The following LHFPL6 variants were observed in gnomAD, a reference collection of about 807,000 sequenced individuals.
LHFPL6 encodes the protein LHFPL tetraspan subfamily member 6 protein.
In LHFPL6, 9 loss-of-function variants were observed where a neutral mutation model predicts 20.6. The observed-to-expected ratio is 0.44, with a 90% confidence interval of 0.26 to 0.76. LHFPL6 has a LOEUF of 0.76. Among genes scored for constraint, LHFPL6 ranks in the 30% least tolerant of loss-of-function variants. The probability of loss-of-function intolerance (pLI) is 0.20; values close to 1 mark genes in which losing one functional copy is unlikely to be tolerated. For missense variants in LHFPL6, 218 were observed against 253.5 expected (o/e 0.86, Z 0.95); for synonymous variants, 105 against 98.7 (o/e 1.06, Z -0.38).
At chr13:39,562,255 A>T (rs1871506188) in intron 2 of LHFPL6, among the ~76,000 whole-genome samples, 1 of 151,670 alleles carries the variant, frequency 6.6e-6, no homozygotes, top group African/African-American at 2.4e-5. Context: ...GAATCGAATC[A>T]GCTCCTGCCC....
chr13:39,354,690 C>T (rs181645568), intron 3 of LHFPL6, among the ~76,000 whole-genome samples: 42 of 152,146 alleles, frequency 2.8e-4, no homozygotes, highest in African/African-American at 9.2e-4. Flanking sequence ...TAAAAAGACA[C>T]GGCCATTTTA....
chr13:39,552,536 A>G (rs2138513084), intron 2 of LHFPL6, among the ~76,000 whole-genome samples: 1 of 152,328 alleles, frequency 6.6e-6, no homozygotes, highest in African/African-American at 2.4e-5. Flanking sequence ...TTTTACATAA[A>G]GATTCCACTT....
intron 2 of LHFPL6, among the ~76,000 whole-genome samples, chr13:39,477,056 C>T (rs1418262927): frequency 6.6e-6 from 1 of 152,180 alleles, no homozygotes; most frequent in Non-Finnish European, 1.5e-5. Context: ...CACTGTCCTT[C>T]ACTCCCTAGC....
intron 2 of LHFPL6, among the ~76,000 whole-genome samples, chr13:39,464,700 C>CTTTTTTT (rs57418375): frequency 7.3e-6 from 1 of 137,914 alleles, no homozygotes; most frequent in African/African-American, 2.6e-5. Context: ...AAAGCACAGT[C>CTTTTTTT]TTTTTTTTTT....
At chr13:39,532,691 A>G (rs1303925730) in intron 2 of LHFPL6, among the ~76,000 whole-genome samples, 1 of 152,150 alleles carries the variant, frequency 6.6e-6, no homozygotes, top group African/African-American at 2.4e-5. Context: ...TTTCTAGACT[A>G]GTAAAATACA....
chr13:39,491,046 T>C (rs11839256), intron 2 of LHFPL6, among the ~76,000 whole-genome samples: 17 of 152,204 alleles, frequency 1.1e-4, no homozygotes, highest in African/African-American at 4.1e-4. Context: ...AAAGTGCCTC[T>C]AAGTTTAGAC....
intron 2 of LHFPL6, among the ~76,000 whole-genome samples, chr13:39,431,672 A>G (rs1871807106): frequency 7.2e-6 from 1 of 138,618 alleles, no homozygotes; most frequent in South Asian, 2.4e-4. Flanking sequence ...GAGAACTCCA[A>G]ATTCTCATTG....
intron 2 of LHFPL6, among the ~76,000 whole-genome samples, chr13:39,597,334 T>C (rs1444856216): frequency 6.6e-6 from 1 of 152,248 alleles, no homozygotes; most frequent in African/African-American, 2.4e-5. Flanking sequence ...AATATGTCTT[T>C]ACAACATTCT....
chr13:39,580,496 G>A (rs1355075168), intron 2 of LHFPL6, among the ~76,000 whole-genome samples: 2 of 152,156 alleles, frequency 1.3e-5, no homozygotes, highest in African/African-American at 2.4e-5. Flanking sequence ...AAAAGTAGAT[G>A]AAAATAGAAC....
intron 2 of LHFPL6, among the ~76,000 whole-genome samples, chr13:39,509,233 A>G (rs1869600180): frequency 6.6e-6 from 1 of 152,226 alleles, no homozygotes; most frequent in South Asian, 2.1e-4. Context: ...TCTTATTATC[A>G]AGTTTTGAAT....
chr13:39,479,900 G>C (rs1224505777), intron 2 of LHFPL6, among the ~76,000 whole-genome samples: 11 of 152,156 alleles, frequency 7.2e-5, no homozygotes, highest in African/African-American at 2.4e-4. Context: ...GCCAGGGCCG[G>C]GTGTACCCCC....
chr13:39,459,351 T>A (rs771924542), intron 2 of LHFPL6, among the ~76,000 whole-genome samples: 1 of 152,080 alleles, frequency 6.6e-6, no homozygotes, highest in Non-Finnish European at 1.5e-5. Context: ...TCCTTAATTC[T>A]ATTTCATGGT....
At chr13:39,573,719 A>G (rs1245932593) in intron 2 of LHFPL6, among the ~76,000 whole-genome samples, 1 of 152,162 alleles carries the variant, frequency 6.6e-6, no homozygotes, top group African/African-American at 2.4e-5. Flanking sequence ...AAAAATAACT[A>G]AAGAAAAAAA....
At chr13:39,489,648 A>G (rs1178459049) in intron 2 of LHFPL6, among the ~76,000 whole-genome samples, 6 of 151,160 alleles carry the variant, frequency 4.0e-5, no homozygotes, top group African/African-American at 2.4e-5. Context: ...TCCACCTCCC[A>G]GGCTCAAGGG....
At chr13:39,523,144 C>G (rs548683478) in intron 2 of LHFPL6, among the ~76,000 whole-genome samples, 2 of 152,122 alleles carry the variant, frequency 1.3e-5, no homozygotes, top group Non-Finnish European at 2.9e-5. Context: ...TTATGCTTTA[C>G]GACTGATACA....
chr13:39,490,837 C>A (rs909540391), intron 2 of LHFPL6, among the ~76,000 whole-genome samples: 14 of 152,146 alleles, frequency 9.2e-5, no homozygotes, highest in Admixed American at 2.6e-4. Context: ...CACTCTCTTC[C>A]CATTTAATGA....
At chr13:39,360,684 G>A (rs1869850464) in intron 3 of LHFPL6, among the ~76,000 whole-genome samples, 1 of 92,218 alleles carries the variant, frequency 1.1e-5, no homozygotes, top group Admixed American at 1.3e-4. Context: ...GCATTAGAGG[G>A]CAATGACCAG....
rs779100734 is a variant in LHFPL6 at position 39,594,536 on chromosome 13, A to G, written c.385+6296T>C. ...TGTTGGTGGGACTGTAAACTAGTTC[A>G]ACCATTGTGGACGTCGGTGTGGCGA... On this transcript the variant is annotated intron_variant, in intron 2 of 3. Transcript: ENST00000379589. Among the ~76,000 whole-genome samples, 6 of 152,370 alleles carry G rather than the reference A, an allele frequency of 3.9e-5. No homozygotes were observed. In the South Asian group the frequency reaches 6.2e-4, roughly 16 times the overall value.
At chr13:39,534,779 T>A (rs1870566733) in intron 2 of LHFPL6, among the ~76,000 whole-genome samples, 1 of 152,196 alleles carries the variant, frequency 6.6e-6, no homozygotes, top group Non-Finnish European at 1.5e-5. Flanking sequence ...TATCTATGCA[T>A]TACCAATTTA....
Sources: gnomAD v4.1 joint callset for allele counts (sites outside exome capture counted in the v4.1 genomes callset) on GRCh38, gnomAD v4.1.1 for gene constraint, MANE v1.5 for transcripts, NCBI Gene and HGNC (gene_info 2026-07-23, HGNC 2026-07-21) for gene names.